ARHGAP24: variants seen among roughly 807,000 people sequenced by gnomAD.
ARHGAP24 encodes rho GTPase-activating protein 24.
A neutral mutation model predicts 76.4 loss-of-function variants in ARHGAP24; 50 were observed. The ratio of observed to expected loss-of-function variants is 0.65; its 90% CI spans 0.52 to 0.83. The LOEUF is 0.83. ARHGAP24 is among the 40% of genes least tolerant of loss of function. The pLI, the probability that ARHGAP24 is intolerant of heterozygous loss-of-function variation, is 0.00. For synonymous variants in ARHGAP24, 345 were observed against 323.3 expected (o/e 1.07, Z -0.72); for missense variants, 930 against 914.2 (o/e 1.02, Z -0.22).
At chr4:85,564,924 G>GTATATACA (rs1553914960) in intron 1 of ARHGAP24, among the ~76,000 whole-genome samples, 4 of 53,258 alleles carry the variant, frequency 7.5e-5, no homozygotes, top group South Asian at 1.0e-3. Flanking sequence ...AACACACACG[G>GTATATACA]TATATATATA....
At chr4:85,641,413 T>C (rs1214060579) in intron 2 of ARHGAP24, among the ~76,000 whole-genome samples, 1 of 152,184 alleles carries the variant, frequency 6.6e-6, no homozygotes, top group Non-Finnish European at 1.5e-5. Flanking sequence ...TTCCTCCCAA[T>C]ACTGGAGGTG....
chr4:85,956,974 T>G (rs2148837673), intron 5 of ARHGAP24, among the ~76,000 whole-genome samples: 1 of 152,284 alleles, frequency 6.6e-6, no homozygotes, highest in East Asian at 1.9e-4. Context: ...CCGATCATAG[T>G]CCCTCCCGCT....
rs142033751 is a variant in ARHGAP24 at position 85,688,064 on chromosome 4, T to C, written c.181-33821T>C. ...CTGACCTTAGATAATCCGCCCGCCT[T>C]GGCCTCCCAAAGTGCTGGAATTATA... is the stretch of plus-strand genomic sequence containing the variant. On this transcript the variant is annotated intron_variant, in intron 2 of 9. Transcript: ENST00000395184. Among the ~76,000 whole-genome samples the C allele has an allele frequency of 5.3e-3, 804 of 152,260 alleles. 7 individuals carry two copies. Among genetic ancestry groups the C allele is most frequent in the African/African-American group, 0.018 (760 of 41,558 alleles).
At chr4:85,764,251 G>A (rs1726844552) in intron 3 of ARHGAP24, among the ~76,000 whole-genome samples, 1 of 151,952 alleles carries the variant, frequency 6.6e-6, no homozygotes, top group African/African-American at 2.4e-5. Flanking sequence ...CATAAAGAGA[G>A]ATGCTGAAGG....
intron 3 of ARHGAP24, among the ~76,000 whole-genome samples, chr4:85,762,369 G>A (rs1726764813): frequency 6.6e-6 from 1 of 152,096 alleles, no homozygotes; most frequent in Non-Finnish European, 1.5e-5. Flanking sequence ...AGAACGAGAA[G>A]GAAAGGAAAG....
At chr4:85,476,234 A>T (rs1722592957) in intron 1 of ARHGAP24, among the ~76,000 whole-genome samples, 1 of 152,006 alleles carries the variant, frequency 6.6e-6, no homozygotes, top group Non-Finnish European at 1.5e-5. Context: ...GAAAATACTT[A>T]AGACTACATT....
Position 85,755,503 on chromosome 4 carries a change from A to G in ARHGAP24, c.268+33531A>G, listed in dbSNP as rs368161041. ...CAACCCCAAATTCTTCAGTGACTGAAGAGCATGTTTTCTTCCTTAATTTTA... is the reference window on the plus strand; with the variant it reads ...CAACCCCAAATTCTTCAGTGACTGAGGAGCATGTTTTCTTCCTTAATTTTA... On this transcript the variant is annotated intron_variant, in intron 3 of 9. Coordinates refer to ENST00000395184, the MANE Select transcript of ARHGAP24 (RefSeq NM_001025616.3). Among the ~76,000 whole-genome samples the G allele has an allele frequency of 3.3e-5, 5 of 152,286 alleles. No homozygotes were observed. The South Asian group carries it at 8.3e-4, about 25-fold the overall frequency.
At position 85,603,433 on chromosome 4, in the gene ARHGAP24, G is replaced by C. The variant is rs1002874440; in HGVS notation, c.180+32712G>C. Among the ~76,000 whole-genome samples the C allele has an allele frequency of 8.5e-5, 13 of 152,222 alleles. No homozygotes were observed. In the South Asian group the frequency reaches 2.7e-3, roughly 32 times the overall value. On this transcript the variant is annotated intron_variant, in intron 2 of 9. Transcript: ENST00000395184. ...ACTTTATTATTTAATGACATTATAG[G>C]TATAAAAATGTTTCTTAAGTTTTCC... is the stretch of plus-strand genomic sequence containing the variant.
chr4:85,569,219 C>T (rs1157685396), intron 1 of ARHGAP24, among the ~76,000 whole-genome samples: 2 of 152,140 alleles, frequency 1.3e-5, no homozygotes, highest in East Asian at 3.9e-4. Context: ...TGTTTATATG[C>T]CTGGACAGGA....
chr4:85,759,218 CA>C (rs1365651700), intron 3 of ARHGAP24, among the ~76,000 whole-genome samples: 1 of 151,986 alleles, frequency 6.6e-6, no homozygotes, highest in Non-Finnish European at 1.5e-5. Flanking sequence ...TGAAATCATA[CA>C]ATAATAACTT....
chr4:85,855,666 T>C (rs1731511678), intron 3 of ARHGAP24, among the ~76,000 whole-genome samples: 1 of 151,668 alleles, frequency 6.6e-6, no homozygotes, highest in African/African-American at 2.4e-5. Context: ...TAATCCCAGC[T>C]ACTCGGGAGG....
intron 2 of ARHGAP24, among the ~76,000 whole-genome samples, chr4:85,596,197 G>A (rs548739168): frequency 6.6e-6 from 1 of 151,976 alleles, no homozygotes; most frequent in East Asian, 1.9e-4. Flanking sequence ...AGTTTTCTTT[G>A]AAGAAAATAG....
chr4:85,847,974 A>G (rs997418119), intron 3 of ARHGAP24, among the ~76,000 whole-genome samples: 4 of 152,162 alleles, frequency 2.6e-5, no homozygotes, highest in African/African-American at 9.7e-5. Context: ...GAATCTAGGC[A>G]TGTACTGTGC....
intron 5 of ARHGAP24, among the ~76,000 whole-genome samples, chr4:85,958,967 T>C (rs1738083616): frequency 6.6e-6 from 1 of 152,210 alleles, no homozygotes; most frequent in Admixed American, 6.5e-5. Flanking sequence ...GAGGTTCATC[T>C]GTTATGGGAA....
intron 2 of ARHGAP24, among the ~76,000 whole-genome samples, chr4:85,626,873 A>C (rs1037682746): frequency 2.6e-5 from 4 of 152,166 alleles, no homozygotes; most frequent in African/African-American, 9.7e-5. Flanking sequence ...CGCATCGGCT[A>C]CTGAGGCTTC....
At chr4:85,903,481 G>A (rs1327972071) in intron 3 of ARHGAP24, among the ~76,000 whole-genome samples, 1 of 151,752 alleles carries the variant, frequency 6.6e-6, no homozygotes, top group Non-Finnish European at 1.5e-5. Context: ...TGACACTGAT[G>A]GTTTCATTTA....
rs1320279575 is a variant in ARHGAP24 at position 85,597,097 on chromosome 4, T to C, written c.180+26376T>C. 2.0e-5 allele frequency among the ~76,000 whole-genome samples: 3 copies of C among 152,120 alleles called. No individual in the cohort carries two copies. In the East Asian group the frequency reaches 5.8e-4, roughly 29 times the overall value. On this transcript the variant is annotated intron_variant, in intron 2 of 9. Transcript: ENST00000395184. ...AAGATTTCAGTTTTCATTATTATCC[T>C]TAGTATTTCAACATATACTTTCTGT...
intron 2 of ARHGAP24, among the ~76,000 whole-genome samples, chr4:85,660,552 CT>C (rs201574509): frequency 0.028 from 4,284 of 152,030 alleles, 188 homozygotes; most frequent in African/African-American, 0.097. Context: ...AATCCCAGCA[CT>C]TTGGGAGGCT....
chr4:85,851,977 T>C (rs1731261335), intron 3 of ARHGAP24, among the ~76,000 whole-genome samples: 1 of 152,172 alleles, frequency 6.6e-6, no homozygotes, highest in Non-Finnish European at 1.5e-5. Flanking sequence ...CTGTATTTCT[T>C]GAATTTGAAT....
Sources: allele counts gnomAD v4.1 joint callset (sites outside exome capture counted in the v4.1 genomes callset), GRCh38; gene constraint gnomAD v4.1.1; transcripts MANE v1.5; gene names NCBI Gene and HGNC (gene_info 2026-07-23, HGNC 2026-07-21).